Variants in EGFLAM observed in about 807,000 individuals in gnomAD.
EGFLAM encodes pikachurin.
In EGFLAM, 79 loss-of-function variants were observed where a neutral mutation model predicts 113.1. That is an observed-to-expected ratio of 0.70 (90% CI 0.58 to 0.84). EGFLAM has a LOEUF of 0.84. Ranked by LOEUF, EGFLAM falls within the 40% of genes least tolerant of loss-of-function variation. The pLI, the probability that EGFLAM is intolerant of heterozygous loss-of-function variation, is 0.00. For missense variants in EGFLAM, 1,265 were observed against 1,291.6 expected, an observed-to-expected ratio of 0.98 and a Z score of 0.32; for synonymous variants, 504 against 487.6, an observed-to-expected ratio of 1.03 and a Z score of -0.44.
chr5:38,451,495 C>T (rs371035066), intron 19 of EGFLAM, 37 bp downstream of exon 19: 26 of 1,601,690 alleles, frequency 1.6e-5, no homozygotes, highest in South Asian at 4.5e-5. Context: ...CAGCACCTTG[C>T]GATTTTCTCA....
intron 5 of EGFLAM, among the ~76,000 whole-genome samples, chr5:38,355,636 T>C (rs1468528062): frequency 1.3e-5 from 2 of 152,222 alleles, no homozygotes; most frequent in Non-Finnish European, 2.9e-5. Context: ...GAAAAAGCTG[T>C]GTTGATGTTA....
intron 8 of EGFLAM, among the ~76,000 whole-genome samples, chr5:38,407,597 A>C (rs1741331903): frequency 6.6e-6 from 1 of 152,232 alleles, no homozygotes; most frequent in Non-Finnish European, 1.5e-5. Context: ...GTCTCCAAAA[A>C]TGCAGCTTCT....
chr5:38,458,561 TACATTG>T (rs1391010752), intron 20 of EGFLAM, among the ~76,000 whole-genome samples, 167 bp downstream of exon 20: 3 of 152,226 alleles, frequency 2.0e-5, no homozygotes, highest in Non-Finnish European at 4.4e-5. Flanking sequence ...CGCTGTGCCC[TACATTG>T]ACACTATCAG....
intron 5 of EGFLAM, among the ~76,000 whole-genome samples, chr5:38,366,428 T>C (rs10214132): frequency 0.013 from 2,023 of 152,356 alleles, 35 homozygotes; most frequent in African/African-American, 0.043. Context: ...GAACTGTGCT[T>C]ACACTTCCGT....
intron 6 of EGFLAM, chr5:38,403,988 C>G (rs1741198093): frequency 6.2e-7 from 1 of 1,604,850 alleles, no homozygotes; most frequent in African/African-American, 1.3e-5. Context: ...AGAACACCGC[C>G]TCCCCTTTGT....
chr5:38,285,230 T>A (rs547042274), intron 1 of EGFLAM, among the ~76,000 whole-genome samples: 1 of 152,244 alleles, frequency 6.6e-6, no homozygotes, highest in Non-Finnish European at 1.5e-5. Context: ...ATGATCAAAG[T>A]GCAGAATGCT....
Position 38,462,949 on chromosome 5 carries a change from C to G in EGFLAM, c.2813C>G (p.Ala938Gly). ...AAGATAACCGTGGATGACTATGGAGCCAGAACAGGCAAATCCCCAGGCATG... is the reference window on the plus strand; with the variant it reads ...AAGATAACCGTGGATGACTATGGAGGCAGAACAGGCAAATCCCCAGGCATG... ...SGKITVDDYGARTGKSPGMMR... is the reference protein window; with the variant it reads ...SGKITVDDYGGRTGKSPGMMR... Residue 938 changes from alanine (A) to glycine (G), a missense_variant, in exon 21 of 22, where the codon GCC becomes GGC. Coordinates refer to ENST00000322350, the MANE Select transcript of EGFLAM (RefSeq NM_152403.4). 1 of 1,614,070 alleles carries G rather than the reference C, an allele frequency of 6.2e-7. No individual in the cohort carries two copies. The highest frequency in any genetic ancestry group is 1.6e-4 in the Middle Eastern group (1 of 6,062).
At chr5:38,332,542 G>A (rs1041793066) in intron 1 of EGFLAM, among the ~76,000 whole-genome samples, 13 of 152,316 alleles carry the variant, frequency 8.5e-5, no homozygotes, top group South Asian at 4.1e-4. Context: ...GAAGTATAGC[G>A]TGTGGAGTGG....
At chr5:38,449,901 C>A (rs992276062) in intron 18 of EGFLAM, among the ~76,000 whole-genome samples, 1 of 152,062 alleles carries the variant, frequency 6.6e-6, no homozygotes, top group Non-Finnish European at 1.5e-5. Flanking sequence ...GCAGCTGTAC[C>A]CTCAAATATT....
At chr5:38,267,713 C>T (rs1757667355) in intron 1 of EGFLAM, among the ~76,000 whole-genome samples, 1 of 152,110 alleles carries the variant, frequency 6.6e-6, no homozygotes, top group African/African-American at 2.4e-5. Context: ...GGTGATTGTG[C>T]CATGCCAGTG....
At chr5:38,432,715 A>G (rs530516548) in intron 15 of EGFLAM, among the ~76,000 whole-genome samples, 2 of 152,196 alleles carry the variant, frequency 1.3e-5, no homozygotes, top group South Asian at 4.1e-4. Context: ...GTAAAACAGG[A>G]ACAAAAGCTG....
At chr5:38,271,994 A>G (rs972548316) in intron 1 of EGFLAM, among the ~76,000 whole-genome samples, 1 of 152,242 alleles carries the variant, frequency 6.6e-6, no homozygotes, top group Admixed American at 6.5e-5. Context: ...AAAAAGTGTC[A>G]CTTCCATGTG....
chr5:38,453,199 C>T (rs1742977739), intron 19 of EGFLAM, among the ~76,000 whole-genome samples: 1 of 152,214 alleles, frequency 6.6e-6, no homozygotes, highest in East Asian at 1.9e-4. Flanking sequence ...CTGATACCCT[C>T]AAAGCTTTGA....
At chr5:38,378,919 A>G (rs1343914302) in intron 6 of EGFLAM, among the ~76,000 whole-genome samples, 2 of 152,192 alleles carry the variant, frequency 1.3e-5, no homozygotes, top group Non-Finnish European at 2.9e-5. Flanking sequence ...CCACTCTTCA[A>G]GATGAAGGAG....
intron 5 of EGFLAM, among the ~76,000 whole-genome samples, chr5:38,357,883 T>G (rs13154816): frequency 0.66 from 93,891 of 142,226 alleles, 31,345 homozygotes; most frequent in Non-Finnish European, 0.7. Context: ...TTTTTTTTGA[T>G]ATTGAGTCTT....
At chr5:38,311,632 G>T (rs1554046732) in intron 1 of EGFLAM, among the ~76,000 whole-genome samples, 1 of 152,130 alleles carries the variant, frequency 6.6e-6, no homozygotes, top group South Asian at 2.1e-4. Flanking sequence ...CGTTTCTTCT[G>T]TTTTTGGCAA....
intron 20 of EGFLAM, chr5:38,462,685 C>T (rs1220619500): frequency 6.1e-6 from 3 of 493,248 alleles, no homozygotes; most frequent in Non-Finnish European, 1.1e-5. Context: ...AGTGCTGGCA[C>T]TGTGTTGTCA....
intron 1 of EGFLAM, among the ~76,000 whole-genome samples, chr5:38,267,506 A>C (rs535383443): frequency 7.9e-5 from 12 of 152,330 alleles, no homozygotes; most frequent in African/African-American, 2.9e-4. Flanking sequence ...TGAGCAGATA[A>C]ATAAAAAAAT....
chr5:38,351,533 G>T (rs1003341517), intron 4 of EGFLAM, among the ~76,000 whole-genome samples: 5 of 152,154 alleles, frequency 3.3e-5, no homozygotes, highest in South Asian at 4.1e-4. Context: ...AAATGCATAG[G>T]ATTTTGCTAG....
Sources: gnomAD v4.1 joint callset for allele counts (sites outside exome capture counted in the v4.1 genomes callset) on GRCh38, gnomAD v4.1.1 for gene constraint, MANE v1.5 for transcripts, NCBI Gene and HGNC (gene_info 2026-07-23, HGNC 2026-07-21) for gene names.